The following INVS variants were observed in gnomAD, a reference collection of about 807,000 sequenced individuals.
INVS encodes inversion of embryo turning homolog.
INVS carries 86 observed loss-of-function variants against 108.8 expected under a neutral mutation model. That is an observed-to-expected ratio of 0.79 (90% CI 0.66 to 0.95). The LOEUF (loss-of-function observed/expected upper bound fraction) is 0.95, where lower values mean the gene tolerates loss of function less well. Ranked by LOEUF, INVS falls within the 40% of genes least tolerant of loss-of-function variation. The pLI, the probability that INVS is intolerant of heterozygous loss-of-function variation, is 0.00. For synonymous variants in INVS, 455 were observed against 473.5 expected (o/e 0.96, Z 0.51); for missense variants, 1,169 against 1,297.4 (o/e 0.90, Z 1.52).
At chr9:100,183,882 A>G (rs1829974228) in intron 3 of INVS, among the ~76,000 whole-genome samples, 1 of 151,824 alleles carries the variant, frequency 6.6e-6, no homozygotes, top group Admixed American at 6.6e-5. Flanking sequence ...CTTTAAAATT[A>G]ATATTGCTAT....
In INVS at chr9:100,284,230, T is replaced by C. The variant is rs1328797929; in HGVS notation, c.1785-90T>C. On this transcript the variant is annotated intron_variant, in intron 12 of 16. Coordinates refer to ENST00000262457, the MANE Select transcript of INVS (RefSeq NM_014425.5). Reference sequence around the variant, plus strand: ...TTTCCAAATATCTCCTGTGATGTAGTAGCTCCTCTTAAAATTTAAACTCAC... The same window carrying C: ...TTTCCAAATATCTCCTGTGATGTAGCAGCTCCTCTTAAAATTTAAACTCAC... 2.8e-6 allele frequency: 4 copies of C among 1,443,550 alleles called. 1 individual carries two copies. The highest frequency in any genetic ancestry group is 2.4e-5 in the South Asian group (2 of 84,298). The allele number at this position is 1,443,550 out of a possible 1,614,324, so 89.4% of individuals were successfully genotyped here.
intron 3 of INVS, among the ~76,000 whole-genome samples, chr9:100,141,030 C>T (rs1167327916): frequency 6.6e-6 from 1 of 152,054 alleles, no homozygotes; most frequent in East Asian, 1.9e-4. Context: ...GGGGATAGCT[C>T]CAGGAGATAT....
chr9:100,260,914 A>G (rs1265724317), intron 10 of INVS, among the ~76,000 whole-genome samples: 2 of 152,204 alleles, frequency 1.3e-5, no homozygotes, highest in Admixed American at 6.5e-5. Context: ...CCCCTAAGTG[A>G]GATTATCAAA....
intron 3 of INVS, among the ~76,000 whole-genome samples, chr9:100,135,977 G>A (rs1187169159): frequency 6.6e-6 from 1 of 151,916 alleles, no homozygotes; most frequent in Non-Finnish European, 1.5e-5. Flanking sequence ...GAGCCAGAGG[G>A]ACAGGTTTCA....
intron 2 of INVS, among the ~76,000 whole-genome samples, chr9:100,111,904 C>T (rs1444941946): frequency 6.6e-6 from 1 of 152,140 alleles, no homozygotes; most frequent in Non-Finnish European, 1.5e-5. Flanking sequence ...AAGCCACTGT[C>T]CCCCTAGAGC....
At chr9:100,260,123 G>C (rs1832570330) in intron 10 of INVS, among the ~76,000 whole-genome samples, 1 of 151,002 alleles carries the variant, frequency 6.6e-6, no homozygotes. Flanking sequence ...GCCTACCTCA[G>C]CCTCCCAAAG....
chr9:100,206,764 C>G (rs944188963), intron 3 of INVS, among the ~76,000 whole-genome samples: 2 of 151,978 alleles, frequency 1.3e-5, no homozygotes, highest in Admixed American at 6.6e-5. Context: ...GGATCAGGCA[C>G]TCCATTCAAT....
chr9:100,165,325 T>G (rs767853448), intron 3 of INVS, among the ~76,000 whole-genome samples: 4 of 152,154 alleles, frequency 2.6e-5, no homozygotes, highest in Non-Finnish European at 4.4e-5. Flanking sequence ...TGTTTCACTG[T>G]GTCTGTTTTT....
chr9:100,226,743 G>C (rs1454563458), intron 4 of INVS, among the ~76,000 whole-genome samples: 1 of 148,602 alleles, frequency 6.7e-6, no homozygotes, highest in East Asian at 2.0e-4. Context: ...AAACTGGGAG[G>C]CAGAGGTTTC....
In INVS at chr9:100,182,233, A is replaced by T. The variant is rs186267149; in HGVS notation, c.274-43829A>T. ...AAGATTTCATGACTAAAACACCAAAAGCAATGGCAACAAAAGCCAAAATTG... is the reference window on the plus strand; with the variant it reads ...AAGATTTCATGACTAAAACACCAAATGCAATGGCAACAAAAGCCAAAATTG... On this transcript the variant is annotated intron_variant, in intron 3 of 16. Coordinates refer to ENST00000262457, the MANE Select transcript of INVS (RefSeq NM_014425.5). 2.5e-3 allele frequency among the ~76,000 whole-genome samples: 385 copies of T among 152,352 alleles called. 4 individuals carry two copies. The highest frequency in any genetic ancestry group is 0.023 in the Admixed American group (350 of 15,296).
At position 100,117,520 on chromosome 9, in the gene INVS, G is replaced by T. The variant is rs185462734; in HGVS notation, c.107-8863G>T. ...CTCAGCCCGGGCCCCGTCCACGGCC[G>T]CAACCCCGGCCCCGGATGCCACTGC... On this transcript the variant is annotated intron_variant, in intron 2 of 16. Transcript: ENST00000262457. 174 of 961,694 alleles carry T rather than the reference G, an allele frequency of 1.8e-4. 2 individuals carry two copies. The South Asian group carries it at 2.2e-3, about 12-fold the overall frequency. The allele number at this position is 961,694 out of a possible 1,614,324, so 59.6% of individuals were successfully genotyped here.
chr9:100,265,861 G>C (rs978719481), intron 11 of INVS, among the ~76,000 whole-genome samples: 2 of 152,238 alleles, frequency 1.3e-5, no homozygotes, highest in African/African-American at 4.8e-5. Context: ...CAGATCAACT[G>C]AGGTCAGGAG....
intron 3 of INVS, among the ~76,000 whole-genome samples, chr9:100,144,743 C>T (rs758542572): frequency 5.3e-5 from 8 of 151,658 alleles, no homozygotes; most frequent in Admixed American, 1.3e-4. Context: ...GGACTTAGCT[C>T]GGCCTGGCGA....
chr9:100,230,252 C>T (rs990797481), intron 5 of INVS, among the ~76,000 whole-genome samples: 1 of 147,704 alleles, frequency 6.8e-6, no homozygotes, highest in African/African-American at 2.6e-5. Flanking sequence ...AGTATATTAC[C>T]ATTACCTTTG....
At chr9:100,293,144 T>C in intron 14 of INVS, 101 bp downstream of exon 14, 1 of 1,223,954 alleles carries the variant, frequency 8.2e-7, no homozygotes, top group Non-Finnish European at 1.2e-6. Flanking sequence ...TTCCATGTGG[T>C]GGCATGGTAA....
intron 13 of INVS, among the ~76,000 whole-genome samples, chr9:100,285,300 G>A (rs957265958): frequency 1.3e-5 from 2 of 152,064 alleles, no homozygotes. Flanking sequence ...ATTCAAATTG[G>A]TGTTTCTCAG....
At chr9:100,242,459 T>G in intron 6 of INVS, 111 bp from the exon 7 acceptor site, 1 of 693,746 alleles carries the variant, frequency 1.4e-6, no homozygotes, top group Non-Finnish European at 2.6e-6. Context: ...CAGAAACCGT[T>G]GTGAATGCTG....
intron 3 of INVS, among the ~76,000 whole-genome samples, chr9:100,141,034 G>A (rs972099501): frequency 2.0e-5 from 3 of 152,164 alleles, no homozygotes; most frequent in African/African-American, 7.2e-5. Flanking sequence ...ATAGCTCCAG[G>A]AGATATCAGC....
chr9:100,191,193 T>C (rs564534012), intron 3 of INVS, among the ~76,000 whole-genome samples: 1 of 152,254 alleles, frequency 6.6e-6, no homozygotes, highest in South Asian at 2.1e-4. Flanking sequence ...TCCCAGGAGT[T>C]CTTTCAGTTT....
Sources: allele counts gnomAD v4.1 joint callset (sites outside exome capture counted in the v4.1 genomes callset), GRCh38; gene constraint gnomAD v4.1.1; transcripts MANE v1.5; gene names NCBI Gene and HGNC (gene_info 2026-07-23, HGNC 2026-07-21).